The following RAB11FIP4 variants were observed in gnomAD, a reference collection of about 807,000 sequenced individuals.
The protein encoded by RAB11FIP4 is RAB11 family interacting protein 4.
Under a neutral mutation model 74.3 loss-of-function variants are expected in RAB11FIP4, and 23 were observed. That is an observed-to-expected ratio of 0.31 (90% CI 0.22 to 0.44). The LOEUF (loss-of-function observed/expected upper bound fraction) is 0.44, where lower values mean the gene tolerates loss of function less well. Among genes scored for constraint, RAB11FIP4 ranks in the 20% least tolerant of loss-of-function variants. The pLI is 1.00. For synonymous variants in RAB11FIP4, 360 were observed against 359.9 expected (o/e 1.00, Z 0.00); for missense variants, 630 against 863.9 (o/e 0.73, Z 3.39).
At chr17:31,448,392 A>ATTTTTTTTGTTTTTTT (rs2071489965) in intron 3 of RAB11FIP4, 1 of 79,832 alleles carries the variant, frequency 1.3e-5, no homozygotes, top group African/African-American at 5.9e-5. Context: ...CATCCAGCTA[A>ATTTTTTTTGTTTTTTT]TTTTTTTTTT....
rs138676562 is a variant in RAB11FIP4 at position 31,431,555 on chromosome 17, C to T, written c.160-258C>T. ...GTGCAGTCCCTGGGGGAAGGAGGCT[C>T]GGCCCCTGAAGCCGTGTGCTCAGGG... On this transcript the variant is annotated intron_variant, in intron 1 of 14. Coordinates refer to ENST00000621161, the MANE Select transcript of RAB11FIP4 (RefSeq NM_032932.6). 3,661 of 430,160 alleles carry T rather than the reference C, an allele frequency of 8.5e-3. 33 individuals carry two copies. Among genetic ancestry groups the T allele is most frequent in the Non-Finnish European group, 0.011 (2,602 of 243,524 alleles). The allele number at this position is 430,160 out of a possible 1,614,324, so 26.6% of individuals were successfully genotyped here.
rs1216413964 is a variant in RAB11FIP4 at position 31,426,304 on chromosome 17, C to T, written c.160-5509C>T. Among the ~76,000 whole-genome samples, 7 of 152,226 alleles carry T rather than the reference C, an allele frequency of 4.6e-5. No individual in the cohort carries two copies. In the East Asian group the frequency reaches 9.7e-4, roughly 21 times the overall value. On this transcript the variant is annotated intron_variant, in intron 1 of 14. Transcript: ENST00000621161. ...TAAAAAAAGGAAAATAAAAGGGGAG[C>T]GTTACCACTGCAGTGACTTTGTCTA... is the stretch of plus-strand genomic sequence containing the variant.
chr17:31,511,846 AAAG>A (rs1351389623), intron 3 of RAB11FIP4, among the ~76,000 whole-genome samples: 1 of 152,196 alleles, frequency 6.6e-6, no homozygotes, highest in Non-Finnish European at 1.5e-5. Context: ...ACTTCCTACA[AAAG>A]AAGGGGTGAC....
chr17:31,490,165 G>T (rs1482326363), intron 3 of RAB11FIP4, among the ~76,000 whole-genome samples: 3 of 152,026 alleles, frequency 2.0e-5, no homozygotes, highest in Non-Finnish European at 4.4e-5. Context: ...TCTCCCTCCC[G>T]ACCATCTGTG....
chr17:31,505,791 G>C (rs1184297684), intron 3 of RAB11FIP4, among the ~76,000 whole-genome samples: 1 of 142,040 alleles, frequency 7.0e-6, no homozygotes, highest in Non-Finnish European at 1.5e-5. Context: ...CTGTATCCTC[G>C]AACTCGTGGC....
At chr17:31,399,920 G>C (rs1301124339) in intron 1 of RAB11FIP4, among the ~76,000 whole-genome samples, 1 of 151,150 alleles carries the variant, frequency 6.6e-6, no homozygotes, top group East Asian at 2.0e-4. Flanking sequence ...ATGCACGCCT[G>C]TTATCTCAGC....
In RAB11FIP4 at chr17:31,403,339, T is replaced by C. The variant is rs186679798; in HGVS notation, c.159+11328T>C. Among the ~76,000 whole-genome samples the C allele has an allele frequency of 3.4e-3, 521 of 151,844 alleles. 9 individuals carry two copies. The highest frequency in any genetic ancestry group is 0.012 in the African/African-American group (490 of 41,374). Reference sequence around the variant, plus strand: ...TTCTTTCTTTCTTTCTTTTTTTTTTTTGAGATGGAGTCTCGCTCTGTCACC... The same window carrying C: ...TTCTTTCTTTCTTTCTTTTTTTTTTCTGAGATGGAGTCTCGCTCTGTCACC... On this transcript the variant is annotated intron_variant, in intron 1 of 14. Coordinates refer to ENST00000621161, the MANE Select transcript of RAB11FIP4 (RefSeq NM_032932.6).
chr17:31,453,992 G>A (rs948012809), intron 3 of RAB11FIP4, among the ~76,000 whole-genome samples: 10 of 151,798 alleles, frequency 6.6e-5, no homozygotes, highest in Admixed American at 5.2e-4. Context: ...TCCCACAACC[G>A]CATCCCCCCC....
rs1467246511 is a variant in RAB11FIP4, at chr17:31,536,748, C to T, written c.*5016C>T. The T allele has an allele frequency of 2.7e-6, 1 of 372,714 alleles. No homozygotes were observed. The highest frequency in any genetic ancestry group is 4.6e-5 in the Admixed American group (1 of 21,820). The allele number at this position is 372,714 out of a possible 1,614,324, so 23.1% of individuals were successfully genotyped here. On this transcript the variant is annotated 3_prime_UTR_variant, in exon 15 of 15. Transcript: ENST00000621161. ...CAGCAGGAAGCGGGAGAGGCTGGAA[C>T]CAGGAGCCTGCCCTACCTGCATGGC...
chr17:31,518,228 C>T (rs1391093349), intron 4 of RAB11FIP4, among the ~76,000 whole-genome samples: 4 of 152,014 alleles, frequency 2.6e-5, no homozygotes, highest in African/African-American at 9.7e-5. Flanking sequence ...CATGGTGGCT[C>T]ACACCTATAA....
chr17:31,424,273 A>C (rs550839765), intron 1 of RAB11FIP4, among the ~76,000 whole-genome samples: 1 of 152,206 alleles, frequency 6.6e-6, no homozygotes, highest in South Asian at 2.1e-4. Flanking sequence ...TTTAGTTATA[A>C]TCAATGGGAA....
intron 1 of RAB11FIP4, among the ~76,000 whole-genome samples, chr17:31,398,780 C>T (rs977461809): frequency 2.6e-5 from 4 of 152,168 alleles, no homozygotes; most frequent in South Asian, 2.1e-4. Flanking sequence ...AAGAAAGGAC[C>T]GGACAGAGGG....
chr17:31,498,112 G>C (rs1411692634), intron 3 of RAB11FIP4, among the ~76,000 whole-genome samples: 1 of 152,104 alleles, frequency 6.6e-6, no homozygotes. Context: ...AGCTGGGCCT[G>C]GTTCTGTGGG....
At chr17:31,493,626 C>T (rs1485530706) in intron 3 of RAB11FIP4, among the ~76,000 whole-genome samples, 1 of 152,184 alleles carries the variant, frequency 6.6e-6, no homozygotes, top group Non-Finnish European at 1.5e-5. Context: ...CACCTGCATC[C>T]CACGCTTTGT....
chr17:31,503,194 G>A (rs1181838831), intron 3 of RAB11FIP4, among the ~76,000 whole-genome samples: 4 of 151,138 alleles, frequency 2.6e-5, no homozygotes, highest in Middle Eastern at 6.8e-3. Context: ...CACCACGCCT[G>A]GCTAATTTTT....
chr17:31,486,995 G>T (rs1245787654), intron 3 of RAB11FIP4, among the ~76,000 whole-genome samples: 1 of 152,158 alleles, frequency 6.6e-6, no homozygotes, highest in Non-Finnish European at 1.5e-5. Context: ...TGTGGGTGTG[G>T]GTGGGTGTGT....
intron 3 of RAB11FIP4, among the ~76,000 whole-genome samples, chr17:31,477,652 T>G (rs2071807094): frequency 6.6e-6 from 1 of 152,236 alleles, no homozygotes; most frequent in South Asian, 2.1e-4. Flanking sequence ...GATTCTTGTT[T>G]GAGTAAATGA....
intron 1 of RAB11FIP4, among the ~76,000 whole-genome samples, chr17:31,402,598 TTTTATTTATTTA>T (rs3058625): frequency 1.7e-4 from 24 of 142,802 alleles, no homozygotes; most frequent in South Asian, 1.1e-3. Flanking sequence ...TTTTATTTAT[TTTTATTTATTTA>T]TTTATTTATT....
intron 3 of RAB11FIP4, among the ~76,000 whole-genome samples, chr17:31,511,959 G>A (rs1044515440): frequency 5.9e-5 from 9 of 152,178 alleles, no homozygotes; most frequent in African/African-American, 2.2e-4. Flanking sequence ...GGGACAGGGT[G>A]GGACAGTGGG....
Sources: gnomAD v4.1 joint callset for allele counts (sites outside exome capture counted in the v4.1 genomes callset) on GRCh38, gnomAD v4.1.1 for gene constraint, MANE v1.5 for transcripts, NCBI Gene and HGNC (gene_info 2026-07-23, HGNC 2026-07-21) for gene names.